The following EYS variants were observed in gnomAD, a reference collection of about 807,000 sequenced individuals.
EYS encodes EGF-like photoreceptor maintenance factor, also known as protein eyes shut homolog.
Under a neutral mutation model 282.1 loss-of-function variants are expected in EYS, and 250 were observed. That is an observed-to-expected ratio of 0.89 (90% CI 0.80 to 0.98). The LOEUF is 0.98. Ranked by LOEUF, EYS falls within the 50% of genes least tolerant of loss-of-function variation. The pLI is 0.00. For missense variants in EYS, 4,016 were observed against 3,709.0 expected (o/e 1.08, Z -2.15); for synonymous variants, 1,355 against 1,282.9 (o/e 1.06, Z -1.20).
intron 31 of EYS, among the ~76,000 whole-genome samples, chr6:64,171,863 G>A (rs543011578): frequency 1.1e-4 from 17 of 152,162 alleles, no homozygotes; most frequent in African/African-American, 3.6e-4. Flanking sequence ...CTGCACAGCC[G>A]GGCTATCACC....
At chr6:65,528,952 G>C (rs953222721) in intron 2 of EYS, among the ~76,000 whole-genome samples, 1 of 152,128 alleles carries the variant, frequency 6.6e-6, no homozygotes, top group African/African-American at 2.4e-5. Flanking sequence ...CAGAAATCTA[G>C]AATGGATGAT....
chr6:65,125,239 T>C (rs1775685270), intron 12 of EYS, among the ~76,000 whole-genome samples: 1 of 152,224 alleles, frequency 6.6e-6, no homozygotes, highest in African/African-American at 2.4e-5. Flanking sequence ...GATAAAATAA[T>C]GCTGTACATT....
intron 11 of EYS, chr6:65,303,309 C>T (rs1168649615): frequency 1.3e-6 from 1 of 788,850 alleles, no homozygotes; most frequent in Non-Finnish European, 2.3e-6. Context: ...GTGGTGAGGA[C>T]AGTAACTCTC....
At chr6:64,960,963 C>A (rs1345841068) in intron 14 of EYS, among the ~76,000 whole-genome samples, 1 of 152,136 alleles carries the variant, frequency 6.6e-6, no homozygotes, top group African/African-American at 2.4e-5. Context: ...CAGCTCCATC[C>A]ATATCCCTGC....
chr6:64,252,221 C>T (rs1441807465), intron 30 of EYS, among the ~76,000 whole-genome samples: 1 of 152,078 alleles, frequency 6.6e-6, no homozygotes. Context: ...CCTGAGCTCT[C>T]ACCCTCTGCA....
At position 64,551,215 on chromosome 6, in the gene EYS, T is replaced by C. The variant is rs576948218; in HGVS notation, c.5644+39008A>G. Among the ~76,000 whole-genome samples the C allele has an allele frequency of 2.9e-4, 43 of 149,434 alleles. No homozygotes were observed. In the South Asian group the frequency reaches 3.3e-3, roughly 12 times the overall value. ...ACATATATACACACATATATATATA[T>C]ACATATATATATGCAGTAACTTCCT... On this transcript the variant is annotated intron_variant, in intron 26 of 42. Coordinates refer to ENST00000503581, the MANE Select transcript of EYS (RefSeq NM_001142800.2).
chr6:64,343,064 T>G (rs765150057), intron 29 of EYS, among the ~76,000 whole-genome samples: 6 of 151,968 alleles, frequency 3.9e-5, no homozygotes, highest in African/African-American at 1.4e-4. Flanking sequence ...AGCAAGTACT[T>G]AGTTACCTAC....
At chr6:64,623,924 T>C (rs1392310893) in intron 23 of EYS, among the ~76,000 whole-genome samples, 1 of 152,146 alleles carries the variant, frequency 6.6e-6, no homozygotes, top group Non-Finnish European at 1.5e-5. Flanking sequence ...AGCAAGATTA[T>C]TCCTTAAATA....
chr6:64,337,595 T>C (rs557345176), intron 29 of EYS, among the ~76,000 whole-genome samples: 1 of 151,856 alleles, frequency 6.6e-6, no homozygotes, highest in Non-Finnish European at 1.5e-5. Context: ...TTCCACAAGA[T>C]AGAGAAAGAG....
intron 8 of EYS, among the ~76,000 whole-genome samples, chr6:65,359,094 C>A (rs114611855): frequency 2.1e-4 from 32 of 152,018 alleles, no homozygotes; most frequent in Admixed American, 1.6e-3. Context: ...CCTCAATAAG[C>A]TTGTGAGAGG....
intron 27 of EYS, among the ~76,000 whole-genome samples, chr6:64,438,391 C>T (rs1774820805): frequency 6.6e-6 from 1 of 151,668 alleles, no homozygotes; most frequent in Non-Finnish European, 1.5e-5. Flanking sequence ...GATATAATTG[C>T]ATGTCATGTA....
intron 30 of EYS, among the ~76,000 whole-genome samples, chr6:64,277,258 G>A (rs962837170): frequency 6.6e-6 from 1 of 152,044 alleles, no homozygotes; most frequent in Non-Finnish European, 1.5e-5. Context: ...ATTTCCACAG[G>A]TGTATTGAAC....
rs35744765 is a variant in EYS at position 64,117,328 on chromosome 6, A to ACCC, written c.6425-35329_6425-35327dup. ...TCAAGGAACTAGAAAGAGAGGAACA[A>ACCC]CCCCCCCCCCAATTAGTAGAAGGAA... On this transcript the variant is annotated intron_variant, in intron 31 of 42. Transcript: ENST00000503581. Among the ~76,000 whole-genome samples the ACCC allele has an allele frequency of 1.6e-3, 223 of 141,706 alleles. 1 individual carries two copies. The highest frequency in any genetic ancestry group is 5.5e-3 in the African/African-American group (212 of 38,890). 93.0% of individuals were successfully genotyped at this position (141,706 alleles called of 152,430 possible).
chr6:65,308,152 A>G (rs995287070), intron 11 of EYS, among the ~76,000 whole-genome samples: 1 of 56,134 alleles, frequency 1.8e-5, no homozygotes, highest in Admixed American at 2.5e-4. Flanking sequence ...AATTTTTTGT[A>G]TTTTTATTAG....
At chr6:64,683,967 G>A (rs1433205750) in intron 22 of EYS, among the ~76,000 whole-genome samples, 2 of 152,154 alleles carry the variant, frequency 1.3e-5, no homozygotes, top group Non-Finnish European at 2.9e-5. Flanking sequence ...GTCTGTAAAC[G>A]AAGGCAGGCT....
intron 19 of EYS, among the ~76,000 whole-genome samples, chr6:64,827,258 T>C (rs934206136): frequency 6.6e-6 from 1 of 151,840 alleles, no homozygotes; most frequent in African/African-American, 2.4e-5. Context: ...TTGCAGCCTG[T>C]TTTTTTATTT....
intron 12 of EYS, among the ~76,000 whole-genome samples, chr6:65,282,125 A>T (rs1306428874): frequency 6.6e-6 from 1 of 151,726 alleles, no homozygotes; most frequent in African/African-American, 2.4e-5. Context: ...AATTTCAGAC[A>T]GGAGGGAAAA....
At chr6:65,613,792 G>A (rs1165766305) in intron 2 of EYS, among the ~76,000 whole-genome samples, 1 of 151,506 alleles carries the variant, frequency 6.6e-6, no homozygotes, top group Non-Finnish European at 1.5e-5. Context: ...ACACTACCTC[G>A]GTCTTCACAT....
intron 24 of EYS, among the ~76,000 whole-genome samples, chr6:64,609,776 A>G (rs1767051028): frequency 6.6e-6 from 1 of 152,004 alleles, no homozygotes; most frequent in Non-Finnish European, 1.5e-5. Context: ...ACTTCCAGCT[A>G]CTTGGTAGGT....
Sources: gnomAD v4.1 joint callset for allele counts (sites outside exome capture counted in the v4.1 genomes callset) on GRCh38, gnomAD v4.1.1 for gene constraint, MANE v1.5 for transcripts, NCBI Gene and HGNC (gene_info 2026-07-23, HGNC 2026-07-21) for gene names.